EPHA3: variants seen among roughly 807,000 people sequenced by gnomAD.
EPHA3 encodes EPH receptor A3.
Under a neutral mutation model 107.1 loss-of-function variants are expected in EPHA3, and 42 were observed. The observed-to-expected ratio is 0.39, with a 90% CI of 0.31 to 0.51. The LOEUF (loss-of-function observed/expected upper bound fraction) is 0.51. EPHA3 is among the 20% of genes least tolerant of loss of function. The pLI is 0.78. For missense variants in EPHA3, 1,183 were observed against 1,211.2 expected (o/e 0.98, Z 0.35); for synonymous variants, 461 against 424.8 (o/e 1.09, Z -1.05).
intron 5 of EPHA3, among the ~76,000 whole-genome samples, chr3:89,369,247 A>T (rs185685721): frequency 1.3e-5 from 2 of 150,650 alleles, no homozygotes; most frequent in East Asian, 3.9e-4. Flanking sequence ...TGACTTCAAA[A>T]TATACTACAA....
intron 1 of EPHA3, among the ~76,000 whole-genome samples, chr3:89,116,628 A>G (rs982963971): frequency 6.6e-5 from 10 of 151,746 alleles, no homozygotes; most frequent in African/African-American, 2.4e-4. Context: ...AATTCTGTTA[A>G]CCTGGCAAAG....
chr3:89,153,159 G>T (rs183117875), intron 2 of EPHA3, among the ~76,000 whole-genome samples: 238 of 152,198 alleles, frequency 1.6e-3, no homozygotes, highest in Middle Eastern at 6.8e-3. Flanking sequence ...ATTGTGAATT[G>T]ACATGGGTAA....
intron 5 of EPHA3, among the ~76,000 whole-genome samples, chr3:89,379,009 T>G (rs1442204292): frequency 6.6e-6 from 1 of 152,166 alleles, no homozygotes; most frequent in East Asian, 1.9e-4. Context: ...GAAAAGTTAC[T>G]TGACAAAAAT....
intron 2 of EPHA3, among the ~76,000 whole-genome samples, chr3:89,194,029 A>G (rs996684328): frequency 3.9e-5 from 6 of 152,162 alleles, no homozygotes; most frequent in African/African-American, 1.4e-4. Context: ...TTGTAAACAT[A>G]TGATAATTTT....
At chr3:89,476,728 C>T (rs1195859833) in intron 16 of EPHA3, among the ~76,000 whole-genome samples, 5 of 151,622 alleles carry the variant, frequency 3.3e-5, no homozygotes, top group African/African-American at 7.3e-5. Context: ...CTGCCTCAGC[C>T]TCCGGAGTAG....
At chr3:89,429,198 T>A in intron 12 of EPHA3, 31 bp downstream of exon 12, 1 of 1,540,956 alleles carries the variant, frequency 6.5e-7, no homozygotes, top group Non-Finnish European at 8.9e-7. Flanking sequence ...TACATATATA[T>A]GAATAAATTG....
chr3:89,202,875 GATGTGA>G (rs1706005754), intron 2 of EPHA3, among the ~76,000 whole-genome samples: 3 of 152,148 alleles, frequency 2.0e-5, no homozygotes. Context: ...TCTACCACCA[GATGTGA>G]AATAGAACAC....
At chr3:89,378,935 T>C (rs1708451061) in intron 5 of EPHA3, among the ~76,000 whole-genome samples, 1 of 152,158 alleles carries the variant, frequency 6.6e-6, no homozygotes, top group Non-Finnish European at 1.5e-5. Flanking sequence ...AAATAAGTAT[T>C]GATGCAATTT....
At chr3:89,287,855 G>A (rs1197344807) in intron 3 of EPHA3, among the ~76,000 whole-genome samples, 1 of 151,924 alleles carries the variant, frequency 6.6e-6, no homozygotes, top group Admixed American at 6.6e-5. Context: ...TTCTCCCGTG[G>A]TATGACATTG....
chr3:89,119,439 T>A (rs915846036), intron 1 of EPHA3, among the ~76,000 whole-genome samples: 3 of 152,108 alleles, frequency 2.0e-5, no homozygotes, highest in Non-Finnish European at 4.4e-5. Flanking sequence ...GCTCCTAAGA[T>A]GCAAAGGAAA....
chr3:89,452,296 G>T (rs544229500), intron 15 of EPHA3, among the ~76,000 whole-genome samples: 50 of 152,104 alleles, frequency 3.3e-4, no homozygotes, highest in African/African-American at 1.2e-3. Context: ...TTTTCCATAT[G>T]GCTGTTCCAA....
Position 89,344,835 on chromosome 3 carries a change from C to T in EPHA3, c.1306+2745C>T, listed in dbSNP as rs114953648. Among the ~76,000 whole-genome samples the T allele has an allele frequency of 6.0e-3, 916 of 152,158 alleles. 6 individuals carry two copies. The highest frequency in any genetic ancestry group is 0.021 in the African/African-American group (865 of 41,508). On this transcript the variant is annotated intron_variant, in intron 5 of 16. Coordinates refer to ENST00000336596, the MANE Select transcript of EPHA3 (RefSeq NM_005233.6). Reference sequence around the variant, plus strand: ...TTGTGATGATCAAATGATAAGGCACCTTTTAAATTGTAGAAGATTATGTTG... The same window carrying T: ...TTGTGATGATCAAATGATAAGGCACTTTTTAAATTGTAGAAGATTATGTTG...
At chr3:89,416,043 T>G (rs1272000342) in intron 10 of EPHA3, among the ~76,000 whole-genome samples, 1 of 151,472 alleles carries the variant, frequency 6.6e-6, no homozygotes, top group Non-Finnish European at 1.5e-5. Flanking sequence ...GTTCAATATG[T>G]GTTTTTATTA....
intron 2 of EPHA3, among the ~76,000 whole-genome samples, chr3:89,130,334 C>G (rs1172784810): frequency 6.6e-6 from 1 of 152,168 alleles, no homozygotes; most frequent in Non-Finnish European, 1.5e-5. Context: ...TGCCAGCTCC[C>G]TCTCTAACTT....
chr3:89,414,284 G>C (rs942944517), intron 10 of EPHA3, among the ~76,000 whole-genome samples: 1 of 151,668 alleles, frequency 6.6e-6, no homozygotes, highest in African/African-American at 2.4e-5. Flanking sequence ...ATTTACTAGA[G>C]CTTCTCTTCT....
intron 5 of EPHA3, among the ~76,000 whole-genome samples, chr3:89,366,314 G>A (rs1576338762): frequency 6.8e-6 from 1 of 146,194 alleles, no homozygotes; most frequent in Admixed American, 6.7e-5. Context: ...AAAGGAGCAA[G>A]GGGGGAGTTG....
chr3:89,331,099 CAT>C (rs981136358), intron 3 of EPHA3, among the ~76,000 whole-genome samples: 2 of 152,122 alleles, frequency 1.3e-5, no homozygotes, highest in South Asian at 2.1e-4. Flanking sequence ...GTTTGCCCCA[CAT>C]AGAGTGTGCA....
chr3:89,359,792 C>CAT (rs1708051540), intron 5 of EPHA3, among the ~76,000 whole-genome samples: 2 of 142,896 alleles, frequency 1.4e-5, no homozygotes, highest in African/African-American at 5.1e-5. Context: ...CATATATATA[C>CAT]ATATATACAC....
chr3:89,247,836 T>C (rs191313772), intron 3 of EPHA3, among the ~76,000 whole-genome samples: 20 of 152,196 alleles, frequency 1.3e-4, no homozygotes, highest in Admixed American at 8.5e-4. Context: ...TAGACACTGC[T>C]AAAAATCTAG....
Sources: allele counts gnomAD v4.1 joint callset (sites outside exome capture counted in the v4.1 genomes callset), GRCh38; gene constraint gnomAD v4.1.1; transcripts MANE v1.5; gene names NCBI Gene and HGNC (gene_info 2026-07-23, HGNC 2026-07-21).